Variants in TLL2 observed in about 807,000 individuals in gnomAD.
TLL2 encodes the protein tolloid-like protein 2.
A neutral mutation model predicts 123.0 loss-of-function variants in TLL2; 106 were observed. The ratio of observed to expected loss-of-function variants is 0.86; its 90% confidence interval spans 0.74 to 1.01. The LOEUF is 1.01. Ranked by LOEUF, TLL2 falls within the 50% of genes least tolerant of loss-of-function variation. The pLI is 0.00. For synonymous variants in TLL2, 494 were observed against 516.8 expected, an observed-to-expected ratio of 0.96 and a Z score of 0.60; for missense variants, 1,332 against 1,336.7, an observed-to-expected ratio of 1.00 and a Z score of 0.06.
intron 16 of TLL2, among the ~76,000 whole-genome samples, chr10:96,379,548 A>G (rs1406432655): frequency 6.6e-6 from 1 of 152,146 alleles, no homozygotes; most frequent in African/African-American, 2.4e-5. Context: ...CTGGCCAGGC[A>G]TGGTGGCTCA....
chr10:96,380,311 G>A (rs1051542331), intron 16 of TLL2, among the ~76,000 whole-genome samples: 1 of 152,046 alleles, frequency 6.6e-6, no homozygotes, highest in East Asian at 1.9e-4. Context: ...TTAGGGGTCA[G>A]CCCTGTCTTC....
chr10:96,367,394 T>A lies in TLL2; in HGVS notation c.*694A>T, dbSNP rs1428823354. 1 of 152,226 alleles carries A rather than the reference T, an allele frequency of 6.6e-6. No homozygotes were observed. Among genetic ancestry groups the A allele is most frequent in the East Asian group, 1.9e-4 (1 of 5,204 alleles). 9.4% of individuals were successfully genotyped at this position (152,226 alleles called of 1,614,324 possible). A position where few individuals can be genotyped will look rare whatever the true frequency, so the allele number is the denominator to read the frequency against. ...AGCAAATGTTCTGCTGTATTCATAA[T>A]GGATGCCTTAGCCCCCACTGCAATT... On this transcript the variant is annotated 3_prime_UTR_variant, in exon 21 of 21. Transcript: ENST00000357947.
chr10:96,513,445 T>A, intron 1 of TLL2, 66 bp downstream of exon 1: 3 of 1,599,516 alleles, frequency 1.9e-6, no homozygotes, highest in South Asian at 2.2e-5. Flanking sequence ...AGTGCAGGCT[T>A]GCCCACCACC....
At chr10:96,374,861 G>C (rs1047952278) in intron 18 of TLL2, among the ~76,000 whole-genome samples, 1 of 151,976 alleles carries the variant, frequency 6.6e-6, no homozygotes, top group African/African-American at 2.4e-5. Flanking sequence ...GCCGACTGAT[G>C]GGAGCCCCAG....
chr10:96,454,021 A>ACACG (rs1846986376), intron 2 of TLL2, among the ~76,000 whole-genome samples: 1 of 152,032 alleles, frequency 6.6e-6, no homozygotes, highest in African/African-American at 2.4e-5. Context: ...GCACACACAC[A>ACACG]CACACACACA....
At chr10:96,470,497 A>G (rs1348697132) in intron 2 of TLL2, among the ~76,000 whole-genome samples, 1 of 152,242 alleles carries the variant, frequency 6.6e-6, no homozygotes, top group Non-Finnish European at 1.5e-5. Context: ...TGAATAAATA[A>G]TAGCAGGCAG....
At chr10:96,469,609 G>T (rs1847159694) in intron 2 of TLL2, among the ~76,000 whole-genome samples, 1 of 152,164 alleles carries the variant, frequency 6.6e-6, no homozygotes, top group South Asian at 2.1e-4. Context: ...TGCCATGAGA[G>T]GGCAGTGGCT....
At chr10:96,390,518 A>G (rs562429316) in intron 13 of TLL2, among the ~76,000 whole-genome samples, 2 of 152,350 alleles carry the variant, frequency 1.3e-5, no homozygotes, top group South Asian at 2.1e-4. Flanking sequence ...AGAATCAGGT[A>G]CAGAGGCCAA....
At chr10:96,370,355 C>T in intron 19 of TLL2, 40 bp from the exon 20 acceptor site, 2 of 1,510,504 alleles carry the variant, frequency 1.3e-6, no homozygotes, top group Non-Finnish European at 1.8e-6. Flanking sequence ...CAGCACAAGA[C>T]ACCCTCGTGC....
chr10:96,466,674 C>A (rs1281187695), intron 2 of TLL2, among the ~76,000 whole-genome samples: 2 of 152,318 alleles, frequency 1.3e-5, no homozygotes, highest in East Asian at 1.9e-4. Flanking sequence ...CTGTCAACAC[C>A]TCTGGGAGCC....
intron 2 of TLL2, among the ~76,000 whole-genome samples, chr10:96,454,237 T>A (rs1047557556): frequency 2.0e-5 from 3 of 152,186 alleles, no homozygotes; most frequent in Non-Finnish European, 4.4e-5. Context: ...GACCTGCCAG[T>A]GCTTTCTCTC....
chr10:96,511,791 C>A (rs1205905753), intron 1 of TLL2, among the ~76,000 whole-genome samples: 4 of 152,210 alleles, frequency 2.6e-5, no homozygotes, highest in South Asian at 2.1e-4. Flanking sequence ...CCTCAGCGGC[C>A]CACACTGCCT....
At chr10:96,481,127 T>C (rs1308937253) in intron 1 of TLL2, among the ~76,000 whole-genome samples, 1 of 132,212 alleles carries the variant, frequency 7.6e-6, no homozygotes, top group East Asian at 2.1e-4. Flanking sequence ...GAAAACACTG[T>C]TTTTTTTGTT....
chr10:96,418,956 C>T (rs1490907702), intron 7 of TLL2, among the ~76,000 whole-genome samples: 1 of 152,000 alleles, frequency 6.6e-6, no homozygotes, highest in Non-Finnish European at 1.5e-5. Flanking sequence ...GCCAACTTGA[C>T]ATAGATTCCC....
chr10:96,456,889 T>C (rs1326701314), intron 2 of TLL2, among the ~76,000 whole-genome samples: 1 of 152,194 alleles, frequency 6.6e-6, no homozygotes, highest in Non-Finnish European at 1.5e-5. Flanking sequence ...CAGGGGAGCT[T>C]GCTGGAGGCA....
At chr10:96,397,778 C>A (rs1463564513) in intron 10 of TLL2, among the ~76,000 whole-genome samples, 4 of 152,206 alleles carry the variant, frequency 2.6e-5, no homozygotes, top group Non-Finnish European at 5.9e-5. Context: ...TTACATTTCA[C>A]AAGCCTAGTT....
At chr10:96,466,626 T>C (rs1389179557) in intron 2 of TLL2, among the ~76,000 whole-genome samples, 1 of 152,178 alleles carries the variant, frequency 6.6e-6, no homozygotes, top group African/African-American at 2.4e-5. Context: ...TGTCTGTTGT[T>C]TTCTAAGAAG....
At chr10:96,492,288 C>G (rs757801568) in intron 1 of TLL2, among the ~76,000 whole-genome samples, 68 of 151,864 alleles carry the variant, frequency 4.5e-4, no homozygotes, top group Non-Finnish European at 8.1e-4. Flanking sequence ...CAGGAAGAAG[C>G]TGCACAGGTT....
intron 1 of TLL2, among the ~76,000 whole-genome samples, chr10:96,494,122 C>T (rs115977583): frequency 3.9e-5 from 6 of 152,180 alleles, no homozygotes; most frequent in African/African-American, 9.7e-5. Flanking sequence ...ACAGCCCGGG[C>T]GGCTGCTTTC....
Sources: gnomAD v4.1 joint callset for allele counts (sites outside exome capture counted in the v4.1 genomes callset) on GRCh38, gnomAD v4.1.1 for gene constraint, MANE v1.5 for transcripts, NCBI Gene and HGNC (gene_info 2026-07-23, HGNC 2026-07-21) for gene names.